Variants in TAF4B observed in about 807,000 individuals in gnomAD.
TAF4B encodes transcription initiation factor TFIID subunit 4B.
In TAF4B, 38 loss-of-function variants were observed where a neutral mutation model predicts 86.4. The ratio of observed to expected loss-of-function variants is 0.44; its 90% CI spans 0.34 to 0.58. The LOEUF (loss-of-function observed/expected upper bound fraction) is 0.58, where lower values mean the gene tolerates loss of function less well. Ranked by LOEUF, TAF4B falls within the 20% of genes least tolerant of loss-of-function variation. The probability of loss-of-function intolerance (pLI) is 0.02; values close to 1 mark genes in which losing one functional copy is unlikely to be tolerated. For synonymous variants in TAF4B, 388 were observed against 391.2 expected, an observed-to-expected ratio of 0.99 and a Z score of 0.10; for missense variants, 988 against 1,027.6, an observed-to-expected ratio of 0.96 and a Z score of 0.53.
At chr18:26,280,879 GC>G (rs2056440077) in intron 5 of TAF4B, among the ~76,000 whole-genome samples, 1 of 152,116 alleles carries the variant, frequency 6.6e-6, no homozygotes, top group African/African-American at 2.4e-5. Context: ...ACTCAAAACA[GC>G]CAAGACATGG....
At chr18:26,241,131 G>A (rs60511649) in intron 1 of TAF4B, among the ~76,000 whole-genome samples, 16,886 of 152,076 alleles carry the variant, frequency 0.11, 961 homozygotes, top group Middle Eastern at 0.14. Context: ...TTCTTTTTCT[G>A]TTGATTGGAA....
At chr18:26,374,985 T>G (rs1159842950) in intron 14 of TAF4B, among the ~76,000 whole-genome samples, 2 of 152,202 alleles carry the variant, frequency 1.3e-5, no homozygotes, top group Non-Finnish European at 2.9e-5. Flanking sequence ...CTTTTTGGTA[T>G]ATTCAGAAGA....
chr18:26,279,799 T>G (rs961481548), intron 5 of TAF4B, among the ~76,000 whole-genome samples: 1 of 152,144 alleles, frequency 6.6e-6, no homozygotes, highest in Non-Finnish European at 1.5e-5. Context: ...CCTAGCACTT[T>G]GGGAGGCTGA....
At chr18:26,252,047 T>C (rs980885762) in intron 1 of TAF4B, among the ~76,000 whole-genome samples, 2 of 152,220 alleles carry the variant, frequency 1.3e-5, no homozygotes, top group African/African-American at 4.8e-5. Flanking sequence ...TCTCATTTGG[T>C]TCCTTTAACA....
intron 7 of TAF4B, among the ~76,000 whole-genome samples, chr18:26,287,572 A>C (rs1407735546): frequency 6.6e-6 from 1 of 152,268 alleles, no homozygotes; most frequent in African/African-American, 2.4e-5. Context: ...GAGATACTAC[A>C]TGATGCATTA....
At chr18:26,364,547 A>T (rs944625842) in intron 14 of TAF4B, among the ~76,000 whole-genome samples, 1 of 152,122 alleles carries the variant, frequency 6.6e-6, no homozygotes, top group East Asian at 1.9e-4. Context: ...TTCCTGTGTT[A>T]ATTAGAGATC....
chr18:26,345,191 A>G (rs940192155), intron 13 of TAF4B, among the ~76,000 whole-genome samples: 1 of 152,018 alleles, frequency 6.6e-6, no homozygotes, highest in African/African-American at 2.4e-5. Context: ...TGCACCCACA[A>G]TCAGGGTCTG....
chr18:26,292,646 C>T (rs541335884), intron 8 of TAF4B, among the ~76,000 whole-genome samples: 143 of 152,240 alleles, frequency 9.4e-4, no homozygotes, highest in Non-Finnish European at 1.6e-3. Flanking sequence ...TCTCACCCTC[C>T]GGAGTAGCTG....
chr18:26,235,977 C>CT (rs1568093126), intron 1 of TAF4B, among the ~76,000 whole-genome samples: 1 of 152,142 alleles, frequency 6.6e-6, no homozygotes, highest in African/African-American at 2.4e-5. Flanking sequence ...TCCTGTAATC[C>CT]TTTAAGAGCT....
At chr18:26,239,503 G>C (rs1311111657) in intron 1 of TAF4B, among the ~76,000 whole-genome samples, 1 of 152,110 alleles carries the variant, frequency 6.6e-6, no homozygotes, top group Non-Finnish European at 1.5e-5. Context: ...TGTCAGATGG[G>C]TAGATTGTAA....
chr18:26,289,201 C>T (rs571671536), intron 7 of TAF4B, among the ~76,000 whole-genome samples: 3 of 152,108 alleles, frequency 2.0e-5, no homozygotes, highest in South Asian at 4.2e-4. Flanking sequence ...TAAAGAATAC[C>T]ATCAGTGAAT....
chr18:26,274,959 A>G lies in TAF4B; in HGVS notation c.788A>G (p.Lys263Arg), dbSNP rs200691855. ...ATGCTAGAAAATGTGAAGAAATGCAAGAACTTCCTTGCAATGTTAATAAAA... is the reference window on the plus strand; with the variant it reads ...ATGCTAGAAAATGTGAAGAAATGCAGGAACTTCCTTGCAATGTTAATAAAA... Reference protein sequence around the residue: ...PTMLENVKKCKNFLAMLIKLA... With the variant: ...PTMLENVKKCRNFLAMLIKLA... Residue 263 changes from lysine (K) to arginine (R), a missense_variant, in exon 5 of 15, where the codon AAG (lysine) becomes AGG (arginine). Physicochemically the swap from Lys to Arg is conservative, Grantham distance 26 (BLOSUM62 2). This residue lies in a region of TAF4B where 747 missense variants were observed against 737.9 expected (regional missense o/e 1.01). Transcript: ENST00000269142. The G allele has an allele frequency of 9.3e-6, 15 of 1,613,552 alleles. No homozygotes were observed. In the African/African-American group the frequency reaches 1.9e-4, roughly 20 times the overall value.
At chr18:26,228,049 AACGCT>A (rs2144408576) in intron 1 of TAF4B, among the ~76,000 whole-genome samples, 1 of 152,354 alleles carries the variant, frequency 6.6e-6, no homozygotes, top group East Asian at 1.9e-4. Context: ...GCCATGTGTC[AACGCT>A]ACTGTTAATG....
At chr18:26,276,061 T>A (rs1273935765) in intron 5 of TAF4B, among the ~76,000 whole-genome samples, 3 of 148,048 alleles carry the variant, frequency 2.0e-5, no homozygotes, top group Non-Finnish European at 4.5e-5. Context: ...AATTATGAAA[T>A]CTCAGAAAGC....
intron 2 of TAF4B, chr18:26,266,036 A>C (rs1780404566): frequency 6.6e-6 from 1 of 152,122 alleles, no homozygotes; most frequent in Non-Finnish European, 1.5e-5. Context: ...CCGCCTCTCG[A>C]AGTGTTGGGA....
intron 9 of TAF4B, among the ~76,000 whole-genome samples, chr18:26,302,715 T>A (rs1269065745): frequency 6.6e-6 from 1 of 152,094 alleles, no homozygotes; most frequent in Non-Finnish European, 1.5e-5. Flanking sequence ...TTGTTTTTGC[T>A]ATGGTTTGGA....
rs1189521252 is a variant in TAF4B, at chr18:26,346,759, G to GTATATATATATATATATATATATA, written c.2317-10916_2317-10915insATATATATATATATATATATATAT. Among the ~76,000 whole-genome samples the GTATATATATATATATATATATATA allele has an allele frequency of 2.2e-4, 6 of 27,138 alleles. 1 individual carries two copies. Among genetic ancestry groups the GTATATATATATATATATATATATA allele is most frequent in the Non-Finnish European group, 4.5e-4 (5 of 11,054 alleles). 17.8% of individuals were successfully genotyped at this position (27,138 alleles called of 152,430 possible). A position where few individuals can be genotyped will look rare whatever the true frequency, so the allele number is the denominator to read the frequency against. ...CAAGAATATATATATATATATGTGT[G>GTATATATATATATATATATATATA]TATATATATATATATGTGTGTGTAT... On this transcript the variant is annotated intron_variant, in intron 13 of 14. Coordinates refer to ENST00000269142, the MANE Select transcript of TAF4B (RefSeq NM_005640.3).
chr18:26,304,291 C>T (rs1186307573), intron 9 of TAF4B, among the ~76,000 whole-genome samples: 2 of 149,314 alleles, frequency 1.3e-5, no homozygotes, highest in Non-Finnish European at 3.0e-5. Flanking sequence ...TACAGGGAAA[C>T]AGTAATACAT....
At chr18:26,249,298 G>A (rs2055968784) in intron 1 of TAF4B, among the ~76,000 whole-genome samples, 2 of 152,134 alleles carry the variant, frequency 1.3e-5, no homozygotes, top group African/African-American at 4.8e-5. Context: ...GGCCAACATG[G>A]CAAAACTCGG....
Sources: allele counts gnomAD v4.1 joint callset (sites outside exome capture counted in the v4.1 genomes callset), GRCh38; gene constraint gnomAD v4.1.1; regional missense constraint gnomAD v4.1.1; transcripts MANE v1.5; gene names NCBI Gene and HGNC (gene_info 2026-07-23, HGNC 2026-07-21).